PTPRM: variants seen among roughly 807,000 people sequenced by gnomAD.
The protein encoded by PTPRM is receptor-type tyrosine-protein phosphatase mu.
PTPRM carries 47 observed loss-of-function variants against 186.7 expected under a neutral mutation model. That is an observed-to-expected ratio of 0.25 (90% CI 0.20 to 0.32). The LOEUF is 0.32. Ranked by LOEUF, PTPRM falls within the 10% of genes least tolerant of loss-of-function variation. The pLI is 1.00. For missense variants in PTPRM, 1,494 were observed against 1,865.0 expected (o/e 0.80, Z 3.66); for synonymous variants, 668 against 674.9 (o/e 0.99, Z 0.16).
chr18:7,906,683 G>A (rs771027281), intron 4 of PTPRM, 100 bp downstream of exon 4: 43 of 957,520 alleles, frequency 4.5e-5, no homozygotes, highest in Non-Finnish European at 6.0e-5. Context: ...AGGTCATCTT[G>A]CCAAGACAGT....
At chr18:8,041,500 C>T (rs2086688880) in intron 7 of PTPRM, among the ~76,000 whole-genome samples, 1 of 151,712 alleles carries the variant, frequency 6.6e-6, no homozygotes, top group Admixed American at 6.6e-5. Context: ...TTTGTCATTT[C>T]TACTACAGTG....
At chr18:7,930,330 A>G (rs1251249331) in intron 5 of PTPRM, among the ~76,000 whole-genome samples, 1 of 152,150 alleles carries the variant, frequency 6.6e-6, no homozygotes, top group African/African-American at 2.4e-5. Context: ...TCAGCCTCCC[A>G]AAGTGCTAGG....
chr18:8,234,832 A>G (rs1353702248), intron 14 of PTPRM, among the ~76,000 whole-genome samples: 3 of 152,090 alleles, frequency 2.0e-5, no homozygotes, highest in Non-Finnish European at 4.4e-5. Flanking sequence ...TTCTGCATCT[A>G]TTAATATGAC....
intron 29 of PTPRM, among the ~76,000 whole-genome samples, chr18:8,381,632 T>A (rs2095736790): frequency 6.6e-6 from 1 of 152,226 alleles, no homozygotes; most frequent in Non-Finnish European, 1.5e-5. Context: ...TTTAAAACTC[T>A]TCCCCACTGA....
intron 2 of PTPRM, among the ~76,000 whole-genome samples, chr18:7,860,401 T>C (rs529940054): frequency 2.6e-5 from 4 of 152,072 alleles, no homozygotes; most frequent in Non-Finnish European, 5.9e-5. Flanking sequence ...TTCTTTTAGT[T>C]TGGGAGAGAT....
intron 6 of PTPRM, among the ~76,000 whole-genome samples, chr18:7,951,534 G>A (rs753447566): frequency 5.3e-5 from 8 of 151,978 alleles, no homozygotes; most frequent in East Asian, 1.9e-4. Context: ...GAATAGATTC[G>A]TATTCATATT....
intron 2 of PTPRM, among the ~76,000 whole-genome samples, chr18:7,776,482 G>A (rs1334671904): frequency 6.6e-6 from 1 of 151,320 alleles, no homozygotes; most frequent in Non-Finnish European, 1.5e-5. Context: ...CCATAATATA[G>A]AACTGAAAAT....
chr18:8,002,028 C>G (rs2083904361), intron 7 of PTPRM, among the ~76,000 whole-genome samples: 1 of 152,164 alleles, frequency 6.6e-6, no homozygotes, highest in Non-Finnish European at 1.5e-5. Flanking sequence ...ATGTGGAAAA[C>G]TGCTCCTGAT....
chr18:8,264,699 G>T (rs1281823043), intron 19 of PTPRM, among the ~76,000 whole-genome samples: 1 of 150,792 alleles, frequency 6.6e-6, no homozygotes, highest in East Asian at 1.9e-4. Flanking sequence ...AACCCAGCAG[G>T]TGGAGGTTGC....
At chr18:7,682,382 A>C (rs2039498775) in intron 1 of PTPRM, among the ~76,000 whole-genome samples, 1 of 152,260 alleles carries the variant, frequency 6.6e-6, no homozygotes, top group South Asian at 2.1e-4. Flanking sequence ...GTGGCTGTGC[A>C]TTCCATTTCT....
chr18:8,226,825 C>G (rs2094219470), intron 14 of PTPRM, among the ~76,000 whole-genome samples: 1 of 152,140 alleles, frequency 6.6e-6, no homozygotes, highest in Non-Finnish European at 1.5e-5. Context: ...GTGTTCCTTT[C>G]TGGGACTCTA....
At chr18:8,325,400 G>A (rs1438043017) in intron 22 of PTPRM, among the ~76,000 whole-genome samples, 3 of 152,196 alleles carry the variant, frequency 2.0e-5, no homozygotes, top group African/African-American at 7.2e-5. Flanking sequence ...TCACTAACAA[G>A]TGAGAACATA....
chr18:7,984,774 CAT>C (rs1316923044), intron 7 of PTPRM, among the ~76,000 whole-genome samples: 4 of 126,736 alleles, frequency 3.2e-5, no homozygotes, highest in African/African-American at 6.7e-5. Context: ...AATATATACA[CAT>C]AAAATTATAT....
chr18:7,704,340 C>T (rs964121865), intron 1 of PTPRM, among the ~76,000 whole-genome samples: 5 of 152,160 alleles, frequency 3.3e-5, no homozygotes, highest in Non-Finnish European at 7.4e-5. Flanking sequence ...ATTATTGCCT[C>T]AATTTCAGAA....
intron 7 of PTPRM, chr18:7,995,585 G>A (rs1289390143): frequency 6.6e-6 from 1 of 152,150 alleles, no homozygotes; most frequent in African/African-American, 2.4e-5. Context: ...TATACTTTCA[G>A]GGATCATTTC....
At chr18:8,225,175 A>G (rs559539392) in intron 14 of PTPRM, among the ~76,000 whole-genome samples, 3 of 152,214 alleles carry the variant, frequency 2.0e-5, no homozygotes, top group African/African-American at 4.8e-5. Context: ...AATGCAGTTC[A>G]TATAGGAAAC....
At chr18:7,789,673 T>G (rs555531730) in intron 2 of PTPRM, among the ~76,000 whole-genome samples, 1 of 152,180 alleles carries the variant, frequency 6.6e-6, no homozygotes, top group Non-Finnish European at 1.5e-5. Context: ...TCTGCCCATT[T>G]GCTCTGGCTG....
At chr18:7,909,786 G>T (rs2050172326) in intron 4 of PTPRM, among the ~76,000 whole-genome samples, 1 of 140,558 alleles carries the variant, frequency 7.1e-6, no homozygotes, top group East Asian at 2.3e-4. Context: ...TAGATATTCT[G>T]ATACAAGTAT....
chr18:8,096,396 G>A (rs1189526898), intron 11 of PTPRM, among the ~76,000 whole-genome samples: 4 of 152,194 alleles, frequency 2.6e-5, no homozygotes, highest in East Asian at 1.9e-4. Flanking sequence ...ATTCGTGGAG[G>A]CGAGAGCCAG....
Sources: gnomAD v4.1 joint callset for allele counts (sites outside exome capture counted in the v4.1 genomes callset) on GRCh38, gnomAD v4.1.1 for gene constraint, MANE v1.5 for transcripts, NCBI Gene and HGNC (gene_info 2026-07-23, HGNC 2026-07-21) for gene names.